MGAT4C: variants seen among roughly 807,000 people sequenced by gnomAD.
The protein encoded by MGAT4C is MGAT4 family member C, also known as alpha-1,3-mannosyl-glycoprotein 4-beta-N-acetylglucosaminyltransferase C.
MGAT4C carries 19 observed loss-of-function variants against 40.1 expected under a neutral mutation model. The observed-to-expected ratio is 0.47, with a 90% CI of 0.33 to 0.70. The LOEUF (loss-of-function observed/expected upper bound fraction) is 0.70, where lower values mean the gene tolerates loss of function less well. Ranked by LOEUF, MGAT4C falls within the 30% of genes least tolerant of loss-of-function variation. The pLI is 0.02. For synonymous variants in MGAT4C, 181 were observed against 187.1 expected, an observed-to-expected ratio of 0.97 and a Z score of 0.27; for missense variants, 491 against 563.2, an observed-to-expected ratio of 0.87 and a Z score of 1.30.
chr12:86,056,374 T>A (rs1237264907), intron 1 of MGAT4C, among the ~76,000 whole-genome samples: 2 of 152,136 alleles, frequency 1.3e-5, no homozygotes, highest in East Asian at 3.9e-4. Flanking sequence ...CCTAATGCTA[T>A]CCCTCCTCCA....
intron 2 of MGAT4C, chr12:86,001,938 A>C (rs1887347095): frequency 6.6e-6 from 1 of 152,052 alleles, no homozygotes; most frequent in Admixed American, 6.6e-5. Flanking sequence ...AGACTTCAGG[A>C]TCTCTTTGGG....
intron 3 of MGAT4C, among the ~76,000 whole-genome samples, chr12:86,429,911 G>A (rs1367823038): frequency 1.3e-5 from 2 of 152,094 alleles, no homozygotes; most frequent in African/African-American, 2.4e-5. Flanking sequence ...CCTATTATGT[G>A]AAAGTTTAAT....
At chr12:86,611,242 A>G (rs1163456548) in intron 2 of MGAT4C, among the ~76,000 whole-genome samples, 2 of 152,096 alleles carry the variant, frequency 1.3e-5, no homozygotes, top group African/African-American at 4.8e-5. Context: ...ATTTTGAAAT[A>G]ATTGTTATTC....
intron 4 of MGAT4C, among the ~76,000 whole-genome samples, chr12:86,281,050 T>C (rs1326750052): frequency 6.6e-6 from 1 of 152,074 alleles, no homozygotes; most frequent in Non-Finnish European, 1.5e-5. Flanking sequence ...CTTGTAAGTT[T>C]TGTGTTTGTT....
chr12:86,356,309 T>C (rs1955308895), intron 3 of MGAT4C, among the ~76,000 whole-genome samples: 1 of 152,148 alleles, frequency 6.6e-6, no homozygotes, highest in African/African-American at 2.4e-5. Flanking sequence ...AATCTAACCG[T>C]ATCAATAATT....
At chr12:85,985,028 C>T (rs1450433039) in intron 3 of MGAT4C, among the ~76,000 whole-genome samples, 2 of 152,198 alleles carry the variant, frequency 1.3e-5, no homozygotes, top group Non-Finnish European at 2.9e-5. Flanking sequence ...GATCCACTCA[C>T]CTCGGCCTCC....
intron 2 of MGAT4C, among the ~76,000 whole-genome samples, chr12:86,471,140 ATAAC>A (rs550571462): frequency 1.3e-5 from 2 of 152,106 alleles, no homozygotes; most frequent in Non-Finnish European, 2.9e-5. Flanking sequence ...CTAGAGGGAA[ATAAC>A]TAACACCAGG....
chr12:86,312,824 GC>G (rs1954113540), intron 4 of MGAT4C, among the ~76,000 whole-genome samples: 1 of 152,124 alleles, frequency 6.6e-6, no homozygotes, highest in African/African-American at 2.4e-5. Flanking sequence ...GTCTGCATTG[GC>G]CCATCAACTG....
rs576343057 is a variant in MGAT4C, at chr12:86,119,858, C to T, written c.-56-70135G>A. Among the ~76,000 whole-genome samples the T allele has an allele frequency of 4.0e-5, 6 of 151,658 alleles. No homozygotes were observed. The South Asian group carries it at 1.2e-3, about 32-fold the overall frequency. ...GGACTACAGGCATGCCCCACTGCAT[C>T]TGGCTTTTCTTTTTAATAATATATT... On this transcript the variant is annotated intron_variant, in intron 1 of 4. Transcript: ENST00000611864.
chr12:86,548,842 T>C (rs1959224724), intron 2 of MGAT4C, among the ~76,000 whole-genome samples: 1 of 152,226 alleles, frequency 6.6e-6, no homozygotes, highest in African/African-American at 2.4e-5. Context: ...GTGTATAGAA[T>C]GCTATAATCA....
intron 2 of MGAT4C, among the ~76,000 whole-genome samples, chr12:86,537,706 T>C (rs1189807429): frequency 6.6e-6 from 1 of 152,176 alleles, no homozygotes; most frequent in African/African-American, 2.4e-5. Context: ...AATGAATAAA[T>C]ACTATTTTAT....
At chr12:86,830,341 T>C (rs903127439) in intron 1 of MGAT4C, among the ~76,000 whole-genome samples, 1 of 151,760 alleles carries the variant, frequency 6.6e-6, no homozygotes, top group African/African-American at 2.4e-5. Context: ...TGTTATTCTG[T>C]CACCACATGT....
rs550604119 is a variant in MGAT4C, at chr12:85,976,068, A to G, written c.*3221T>C. On this transcript the variant is annotated 3_prime_UTR_variant, in exon 5 of 5. Transcript: ENST00000611864. Reference sequence around the variant, plus strand: ...GTAGGTACTTTCCATACCACATCATATATTACAATTTGAAAATGTTTGTTT... The same window carrying G: ...GTAGGTACTTTCCATACCACATCATGTATTACAATTTGAAAATGTTTGTTT... 1 of 151,234 alleles carries G rather than the reference A, an allele frequency of 6.6e-6. No individual in the cohort carries two copies. The highest frequency in any genetic ancestry group is 2.1e-4 in the South Asian group (1 of 4,824). The allele number at this position is 151,234 out of a possible 1,614,324, so 9.4% of individuals were successfully genotyped here.
chr12:86,183,391 C>T (rs933339506), intron 1 of MGAT4C, among the ~76,000 whole-genome samples: 30 of 152,068 alleles, frequency 2.0e-4, no homozygotes, highest in African/African-American at 7.0e-4. Context: ...CTCTCCTATG[C>T]TTCAGTTTCT....
At chr12:86,114,294 C>T (rs773233311) in intron 1 of MGAT4C, among the ~76,000 whole-genome samples, 3 of 151,826 alleles carry the variant, frequency 2.0e-5, no homozygotes, top group Non-Finnish European at 4.4e-5. Flanking sequence ...TGGTGTACCT[C>T]ACAAGTCAAT....
intron 2 of MGAT4C, among the ~76,000 whole-genome samples, chr12:86,602,625 A>G (rs1367379471): frequency 6.6e-6 from 1 of 152,154 alleles, no homozygotes; most frequent in Non-Finnish European, 1.5e-5. Context: ...TTCCAACCCT[A>G]AAAGTTATTT....
chr12:86,748,556 C>T (rs980932338), intron 1 of MGAT4C, among the ~76,000 whole-genome samples: 2 of 151,546 alleles, frequency 1.3e-5, no homozygotes, highest in Non-Finnish European at 3.0e-5. Flanking sequence ...GGAGGGGGAG[C>T]CCCAAGAACA....
intron 2 of MGAT4C, among the ~76,000 whole-genome samples, chr12:86,443,739 G>A (rs1007355967): frequency 6.6e-6 from 1 of 151,948 alleles, no homozygotes; most frequent in African/African-American, 2.4e-5. Flanking sequence ...GACTACAGGC[G>A]CCTGCCACCA....
intron 2 of MGAT4C, among the ~76,000 whole-genome samples, chr12:86,648,585 C>A (rs1340214902): frequency 6.6e-6 from 1 of 151,810 alleles, no homozygotes; most frequent in Non-Finnish European, 1.5e-5. Flanking sequence ...TAGACATCTA[C>A]CAACCAGGAA....
Sources: allele counts gnomAD v4.1 joint callset (sites outside exome capture counted in the v4.1 genomes callset), GRCh38; gene constraint gnomAD v4.1.1; transcripts MANE v1.5; gene names NCBI Gene and HGNC (gene_info 2026-07-23, HGNC 2026-07-21).